The following CENPP variants were observed in gnomAD, a reference collection of about 807,000 sequenced individuals.
CENPP encodes centromere protein P.
Under a neutral mutation model 35.6 loss-of-function variants are expected in CENPP, and 24 were observed. That is an observed-to-expected ratio of 0.67 (90% CI 0.49 to 0.95). CENPP has a LOEUF of 0.95. Among genes scored for constraint, CENPP ranks in the 40% least tolerant of loss-of-function variants. The pLI is 0.00. For missense variants in CENPP, 332 were observed against 345.3 expected (o/e 0.96, Z 0.31); for synonymous variants, 120 against 125.5 (o/e 0.96, Z 0.29).
At chr9:92,413,191 T>G (rs1341276968) in intron 5 of CENPP, among the ~76,000 whole-genome samples, 1 of 152,052 alleles carries the variant, frequency 6.6e-6, no homozygotes, top group Non-Finnish European at 1.5e-5. Flanking sequence ...TTCTCCATGT[T>G]GGTCAGGCTG....
chr9:92,532,030 T>TTTTTTTG (rs1848821351), intron 5 of CENPP, among the ~76,000 whole-genome samples: 1 of 125,758 alleles, frequency 8.0e-6, no homozygotes, highest in Non-Finnish European at 1.6e-5. Context: ...TTTTTTTTTA[T>TTTTTTTG]TTTATTTTTT....
intron 5 of CENPP, among the ~76,000 whole-genome samples, chr9:92,513,054 G>A (rs946119790): frequency 2.6e-5 from 4 of 152,188 alleles, no homozygotes; most frequent in African/African-American, 7.2e-5. Flanking sequence ...CTGCACAAAT[G>A]TGTTGACCTT....
At chr9:92,587,479 G>GC (rs1337819828) in intron 5 of CENPP, among the ~76,000 whole-genome samples, 1 of 139,568 alleles carries the variant, frequency 7.2e-6, no homozygotes, top group Non-Finnish European at 1.6e-5. Context: ...TCAAAAAAAA[G>GC]GGGGGGGACC....
intron 5 of CENPP, chr9:92,474,979 A>G (rs1275528337): frequency 6.9e-7 from 1 of 1,443,092 alleles, no homozygotes; most frequent in Admixed American, 3.1e-5. Flanking sequence ...CTGCATATAT[A>G]CATTTCTCAG....
At chr9:92,511,961 G>A in intron 5 of CENPP, 1 of 1,396,496 alleles carries the variant, frequency 7.2e-7, no homozygotes, top group South Asian at 1.3e-5. Context: ...ACCAATGCAA[G>A]TCATAGTGAA....
intron 5 of CENPP, among the ~76,000 whole-genome samples, chr9:92,587,952 C>T (rs773215420): frequency 4.6e-5 from 7 of 151,978 alleles, no homozygotes; most frequent in Non-Finnish European, 8.8e-5. Context: ...ATGGCGAAAC[C>T]CGTCTCTACT....
At chr9:92,479,233 G>A (rs1177792530) in intron 5 of CENPP, among the ~76,000 whole-genome samples, 2 of 152,200 alleles carry the variant, frequency 1.3e-5, no homozygotes, top group Non-Finnish European at 2.9e-5. Context: ...TCCCCCAGTG[G>A]CATCAGGAGA....
At chr9:92,415,092 A>T in intron 5 of CENPP, 1 of 1,251,706 alleles carries the variant, frequency 8.0e-7, no homozygotes, top group Non-Finnish European at 1.1e-6. Context: ...GTTTACTTAG[A>T]TTTACTATAT....
At chr9:92,391,491 T>C (rs1239974551) in intron 5 of CENPP, among the ~76,000 whole-genome samples, 2 of 151,962 alleles carry the variant, frequency 1.3e-5, no homozygotes, top group Non-Finnish European at 2.9e-5. Flanking sequence ...CTCAGCTACT[T>C]GCGAGACTGA....
chr9:92,437,573 C>A (rs1054254876), intron 5 of CENPP, among the ~76,000 whole-genome samples: 1 of 150,632 alleles, frequency 6.6e-6, no homozygotes, highest in Non-Finnish European at 1.5e-5. Context: ...ACACACCCAG[C>A]TAATTTTTGT....
chr9:92,579,272 T>G (rs1850360423), intron 5 of CENPP, among the ~76,000 whole-genome samples: 1 of 150,112 alleles, frequency 6.7e-6, no homozygotes, highest in Non-Finnish European at 1.5e-5. Flanking sequence ...TAGGATTGAC[T>G]TGGCGATGAG....
intron 4 of CENPP, among the ~76,000 whole-genome samples, chr9:92,352,547 G>A (rs146180057): frequency 0.057 from 3,986 of 69,698 alleles, 156 homozygotes; most frequent in South Asian, 0.13. Flanking sequence ...ATAATATAAC[G>A]GGGAGTTTAT....
intron 5 of CENPP, among the ~76,000 whole-genome samples, chr9:92,577,242 A>G (rs1024945840): frequency 2.0e-5 from 3 of 152,174 alleles, no homozygotes; most frequent in African/African-American, 4.8e-5. Flanking sequence ...GGCTGGGTGC[A>G]GTGGCTCACG....
chr9:92,612,457 C>T, intron 6 of CENPP, 66 bp from the exon 7 acceptor site: 3 of 1,282,110 alleles, frequency 2.3e-6, no homozygotes, highest in Non-Finnish European at 3.4e-6. Flanking sequence ...AGGTGCGACT[C>T]ATGGTTGCTA....
At chr9:92,569,157 T>C (rs1299622268) in intron 5 of CENPP, among the ~76,000 whole-genome samples, 1 of 152,224 alleles carries the variant, frequency 6.6e-6, no homozygotes, top group Non-Finnish European at 1.5e-5. Context: ...TCCTTGCCCA[T>C]GCCTATGTCC....
At chr9:92,510,772 G>A (rs994211633) in intron 5 of CENPP, among the ~76,000 whole-genome samples, 10 of 152,220 alleles carry the variant, frequency 6.6e-5, no homozygotes, top group Non-Finnish European at 1.3e-4. Context: ...GCAAGAAAAG[G>A]AGGTAATCTC....
intron 5 of CENPP, among the ~76,000 whole-genome samples, chr9:92,551,737 A>G (rs1469358639): frequency 6.6e-6 from 1 of 151,470 alleles, no homozygotes; most frequent in African/African-American, 2.4e-5. Context: ...GCGTCCTCAT[A>G]GCTTAGCTCC....
At chr9:92,357,645 C>T (rs1455018179) in intron 4 of CENPP, among the ~76,000 whole-genome samples, 1 of 151,942 alleles carries the variant, frequency 6.6e-6, no homozygotes, top group Non-Finnish European at 1.5e-5. Context: ...CAGGCATGCG[C>T]CACCACTCCT....
chr9:92,559,400 T>A (rs949002607), intron 5 of CENPP, among the ~76,000 whole-genome samples: 2 of 152,082 alleles, frequency 1.3e-5, no homozygotes, highest in African/African-American at 2.4e-5. Context: ...GCTTCTCCAG[T>A]GGGGGTGTGT....
Sources: allele counts gnomAD v4.1 joint callset (sites outside exome capture counted in the v4.1 genomes callset), GRCh38; gene constraint gnomAD v4.1.1; transcripts MANE v1.5; gene names NCBI Gene and HGNC (gene_info 2026-07-23, HGNC 2026-07-21).